Variants in PRKN observed in about 807,000 individuals in gnomAD.
PRKN encodes E3 ubiquitin-protein ligase parkin.
A neutral mutation model predicts 59.5 loss-of-function variants in PRKN; 56 were observed. The ratio of observed to expected loss-of-function variants is 0.94; its 90% CI spans 0.76 to 1.18. The LOEUF is 1.18. Ranked by LOEUF, PRKN falls within the 50% of genes most tolerant of loss-of-function variation. PRKN has a pLI of 0.00. For missense variants in PRKN, 657 were observed against 596.4 expected, an observed-to-expected ratio of 1.10 and a Z score of -1.06; for synonymous variants, 250 against 222.1, an observed-to-expected ratio of 1.13 and a Z score of -1.12.
In PRKN at chr6:162,201,334, G is replaced by T. The variant is rs76574117; in HGVS notation, c.413-82C>A. ...GAAACTCTTTAAAAGCTTGTTAGAG[G>T]CAAATTTTAAAACTCAGTCTTCAGG... On this transcript the variant is annotated intron_variant, in intron 3 of 11. Coordinates refer to ENST00000366898, the MANE Select transcript of PRKN (RefSeq NM_004562.3). The T allele has an allele frequency of 5.6e-3, 7,718 of 1,385,398 alleles. 291 individuals carry two copies. In the African/African-American group the frequency reaches 0.09, roughly 16 times the overall value. 85.8% of individuals were successfully genotyped at this position (1,385,398 alleles called of 1,614,324 possible).
chr6:161,975,611 C>T (rs1463771799), intron 5 of PRKN, among the ~76,000 whole-genome samples: 2 of 152,116 alleles, frequency 1.3e-5, no homozygotes, highest in African/African-American at 2.4e-5. Context: ...CAGAATCACT[C>T]GGGTGGGAGG....
intron 10 of PRKN, among the ~76,000 whole-genome samples, chr6:161,380,426 CTTTTTTTTTTTTT>C: frequency 8.5e-6 from 1 of 117,958 alleles, no homozygotes; most frequent in East Asian, 2.3e-4. Flanking sequence ...CCAAGTCTAT[CTTTTTTTTTTTTT>C]TTTTTTTTTG....
In PRKN at chr6:162,020,807, G is replaced by A. The variant is rs138218672; in HGVS notation, c.618+33284C>T. On this transcript the variant is annotated intron_variant, in intron 5 of 11. Transcript: ENST00000366898. ...AAGAATAGCTCTCTTTGAATTTTCT[G>A]TTAAAATATGTAATGGGCCCGGCGC... Among the ~76,000 whole-genome samples, 1,122 of 151,988 alleles carry A rather than the reference G, an allele frequency of 7.4e-3. 17 individuals are homozygous for A. The highest frequency in any genetic ancestry group is 0.024 in the African/African-American group (999 of 41,462).
At position 162,418,524 on chromosome 6, in the gene PRKN, C is replaced by T. The variant is rs536092007; in HGVS notation, c.171+24786G>A. Among the ~76,000 whole-genome samples the T allele has an allele frequency of 1.3e-3, 192 of 152,050 alleles. 1 individual carries two copies. Among genetic ancestry groups the T allele is most frequent in the African/African-American group, 4.5e-3 (185 of 41,458 alleles). Reference sequence around the variant, plus strand: ...CATATCAACAAAGTTGAGGCCAGCACTCAAAGAGATTGCAGAACAAGAATT... The same window carrying T: ...CATATCAACAAAGTTGAGGCCAGCATTCAAAGAGATTGCAGAACAAGAATT... On this transcript the variant is annotated intron_variant, in intron 2 of 11. Coordinates refer to ENST00000366898, the MANE Select transcript of PRKN (RefSeq NM_004562.3).
chr6:162,457,762 T>C (rs1790949310), intron 1 of PRKN, among the ~76,000 whole-genome samples: 1 of 152,196 alleles, frequency 6.6e-6, no homozygotes, highest in African/African-American at 2.4e-5. Context: ...TTATAAATAC[T>C]GCTTTGCTCA....
At chr6:161,771,528 G>C (rs796125428) in intron 7 of PRKN, among the ~76,000 whole-genome samples, 19 of 152,186 alleles carry the variant, frequency 1.2e-4, no homozygotes, top group African/African-American at 4.6e-4. Context: ...CTCCTTCCTT[G>C]TGTTTCACCA....
chr6:162,351,493 GA>G (rs1396717045), intron 2 of PRKN, among the ~76,000 whole-genome samples: 3 of 152,096 alleles, frequency 2.0e-5, no homozygotes, highest in African/African-American at 7.2e-5. Context: ...GGTCTAAATG[GA>G]AAATGGTACA....
At chr6:161,767,844 C>T (rs377046422) in intron 7 of PRKN, among the ~76,000 whole-genome samples, 16 of 152,072 alleles carry the variant, frequency 1.1e-4, no homozygotes, top group African/African-American at 3.9e-4. Flanking sequence ...GGTAGCAGCC[C>T]CTCACTCAGG....
intron 5 of PRKN, among the ~76,000 whole-genome samples, chr6:162,034,186 T>TATATAGAGAG (rs1349695864): frequency 2.0e-3 from 270 of 133,272 alleles, no homozygotes; most frequent in African/African-American, 6.8e-3. Flanking sequence ...TATATATATA[T>TATATAGAGAG]AGAGAGAGAG....
intron 9 of PRKN, among the ~76,000 whole-genome samples, chr6:161,521,335 T>C (rs1436622793): frequency 1.3e-5 from 2 of 152,234 alleles, no homozygotes; most frequent in African/African-American, 4.8e-5. Context: ...TCATCCATTG[T>C]TGCAGGTCTG....
intron 4 of PRKN, among the ~76,000 whole-genome samples, chr6:162,059,156 C>T (rs140726596): frequency 6.6e-6 from 1 of 151,998 alleles, no homozygotes; most frequent in Non-Finnish European, 1.5e-5. Context: ...ATTTATGGAA[C>T]AATTCCCGTA....
chr6:162,195,710 CCCAAAG>C lies in PRKN; in HGVS notation c.534+5415_534+5420del, dbSNP rs1275690769. On this transcript the variant is annotated intron_variant, in intron 4 of 11. Transcript: ENST00000366898. ...GGTGATTGTAGCGGGGAGGGGGTCACCCAAAGTTCTTGGCTACAGTAATCTCCTGGC... is the reference window on the plus strand; with the variant it reads ...GGTGATTGTAGCGGGGAGGGGGTCACTTCTTGGCTACAGTAATCTCCTGGC... Among the ~76,000 whole-genome samples the C allele has an allele frequency of 2.0e-5, 3 of 152,154 alleles. No individual in the cohort carries two copies. In the South Asian group the frequency reaches 6.2e-4, roughly 32 times the overall value.
chr6:162,430,639 G>A (rs1419901146), intron 2 of PRKN, among the ~76,000 whole-genome samples: 2 of 151,718 alleles, frequency 1.3e-5, no homozygotes, highest in African/African-American at 2.4e-5. Flanking sequence ...GGACTGTATG[G>A]CTCTCTAAGT....
intron 3 of PRKN, among the ~76,000 whole-genome samples, chr6:162,223,612 G>C (rs566137278): frequency 4.6e-5 from 6 of 129,306 alleles, no homozygotes; most frequent in East Asian, 2.8e-4. Flanking sequence ...ATAGACACGT[G>C]ACACACACAC....
intron 2 of PRKN, among the ~76,000 whole-genome samples, chr6:162,324,347 G>A (rs1453778907): frequency 6.6e-6 from 1 of 152,030 alleles, no homozygotes; most frequent in Non-Finnish European, 1.5e-5. Context: ...GTTTACTGTC[G>A]TTACTGTGGT....
chr6:162,182,085 G>A (rs1048469818), intron 4 of PRKN, among the ~76,000 whole-genome samples: 7 of 152,072 alleles, frequency 4.6e-5, no homozygotes, highest in South Asian at 2.1e-4. Flanking sequence ...GGAACTGCAT[G>A]CAAAGTGTGT....
intron 1 of PRKN, among the ~76,000 whole-genome samples, chr6:162,682,064 C>T (rs988486238): frequency 6.6e-6 from 1 of 151,872 alleles, no homozygotes; most frequent in East Asian, 1.9e-4. Flanking sequence ...TATACATAGC[C>T]TTAAAATGTT....
At chr6:162,351,143 A>T (rs1330380921) in intron 2 of PRKN, among the ~76,000 whole-genome samples, 1 of 152,192 alleles carries the variant, frequency 6.6e-6, no homozygotes, top group Non-Finnish European at 1.5e-5. Context: ...GTGATCCATG[A>T]TCCTGCCACT....
chr6:161,726,639 C>G (rs1277477053), intron 7 of PRKN, among the ~76,000 whole-genome samples: 1 of 152,034 alleles, frequency 6.6e-6, no homozygotes, highest in Non-Finnish European at 1.5e-5. Flanking sequence ...ACATAAGTGA[C>G]ATTTACAAAA....
Sources: gnomAD v4.1 joint callset for allele counts (sites outside exome capture counted in the v4.1 genomes callset) on GRCh38, gnomAD v4.1.1 for gene constraint, MANE v1.5 for transcripts, NCBI Gene and HGNC (gene_info 2026-07-23, HGNC 2026-07-21) for gene names.